The following ATRN variants were observed in gnomAD, a reference collection of about 807,000 sequenced individuals.
ATRN encodes the protein attractin-2.
A neutral mutation model predicts 178.7 loss-of-function variants in ATRN; 54 were observed. The observed-to-expected ratio is 0.30, with a 90% CI of 0.24 to 0.38. The LOEUF (loss-of-function observed/expected upper bound fraction) is 0.38, where lower values mean the gene tolerates loss of function less well. ATRN is among the 10% of genes least tolerant of loss of function. The probability of loss-of-function intolerance (pLI) is 1.00; values close to 1 mark genes in which losing one functional copy is unlikely to be tolerated. For missense variants in ATRN, 1,443 were observed against 1,815.1 expected (o/e 0.79, Z 3.73); for synonymous variants, 636 against 663.0 (o/e 0.96, Z 0.63).
At chr20:3,621,662 A>C (rs2086898029) in intron 24 of ATRN, among the ~76,000 whole-genome samples, 1 of 152,194 alleles carries the variant, frequency 6.6e-6, no homozygotes, top group Non-Finnish European at 1.5e-5. Context: ...GGAAATTTTC[A>C]TTACCTTCAG....
chr20:3,491,144 T>TG (rs199987063), intron 1 of ATRN: 6 of 534,298 alleles, frequency 1.1e-5, no homozygotes, highest in Admixed American at 3.4e-5. Context: ...ATTAGCTCTC[T>TG]GGGGGAAAAA....
chr20:3,578,345 A>C (rs1171320973), intron 14 of ATRN, among the ~76,000 whole-genome samples: 1 of 152,212 alleles, frequency 6.6e-6, no homozygotes, highest in Non-Finnish European at 1.5e-5. Flanking sequence ...AAGACATAGG[A>C]TAAGTGACCT....
chr20:3,570,453 A>G (rs1426684261), intron 11 of ATRN, among the ~76,000 whole-genome samples: 1 of 152,066 alleles, frequency 6.6e-6, no homozygotes, highest in East Asian at 1.9e-4. Flanking sequence ...CCCTTTGTTT[A>G]CCAATCTTCA....
At chr20:3,475,031 C>CAAA (rs1189030441) in intron 1 of ATRN, among the ~76,000 whole-genome samples, 27 of 55,746 alleles carry the variant, frequency 4.8e-4, no homozygotes, top group Non-Finnish European at 8.0e-4. Flanking sequence ...GACTCCATCT[C>CAAA]AAAAAAAAAA....
chr20:3,634,211 C>A, intron 25 of ATRN, 100 bp from the exon 26 acceptor site: 1 of 989,834 alleles, frequency 1.0e-6, no homozygotes, highest in Non-Finnish European at 1.6e-6. Context: ...CCGGAGGTGG[C>A]ATGTGGGAGC....
At position 3,476,036 on chromosome 20, in the gene ATRN, A is replaced by G. The variant is rs999933726; in HGVS notation, c.410+4519A>G. 1.3e-4 allele frequency among the ~76,000 whole-genome samples: 20 copies of G among 152,152 alleles called. 1 individual carries two copies. Among genetic ancestry groups the G allele is most frequent in the African/African-American group, 4.6e-4 (19 of 41,436 alleles). On this transcript the variant is annotated intron_variant, in intron 1 of 28. Transcript: ENST00000262919. Reference sequence around the variant, plus strand: ...GGCATGTGCCTGTGGTCCCAGCTACATGGGAGGCTGATGCAGGAGGATGGC... The same window carrying G: ...GGCATGTGCCTGTGGTCCCAGCTACGTGGGAGGCTGATGCAGGAGGATGGC...
At chr20:3,617,362 G>A (rs1372116336) in intron 24 of ATRN, among the ~76,000 whole-genome samples, 2 of 152,174 alleles carry the variant, frequency 1.3e-5, no homozygotes, top group Admixed American at 6.5e-5. Context: ...GGAAATGATT[G>A]GGTCTGGGGA....
In ATRN at chr20:3,646,875, C is replaced by A; in HGVS notation, c.*28C>A. 6.2e-7 allele frequency: 1 copy of A among 1,611,578 alleles called. No individual in the cohort carries two copies. Among genetic ancestry groups the A allele is most frequent in the Non-Finnish European group, 8.5e-7 (1 of 1,178,962 alleles). On this transcript the variant is annotated 3_prime_UTR_variant, in exon 29 of 29. Transcript: ENST00000262919. ...CTGGGGCCAGGGACTCTCCCACGCACGAGCTAGTGAGTGGCACACCAGAGC... is the reference window on the plus strand; with the variant it reads ...CTGGGGCCAGGGACTCTCCCACGCAAGAGCTAGTGAGTGGCACACCAGAGC...
chr20:3,605,035 T>A (rs2146292015), intron 24 of ATRN, among the ~76,000 whole-genome samples: 1 of 152,316 alleles, frequency 6.6e-6, no homozygotes, highest in Non-Finnish European at 1.5e-5. Flanking sequence ...AGGTGGGCTT[T>A]CAAGGACTGG....
At position 3,583,818 on chromosome 20, in the gene ATRN, AG is replaced by A. The variant is rs2086313658; in HGVS notation, c.2765-79del. ...TGAGACTCCGTCTCAAAAAAAAAAA[AG>A]AAAAGAAAGAAAGAAAAGTCTTTGA... On this transcript the variant is annotated intron_variant, in intron 16 of 28. Transcript: ENST00000262919. The A allele has an allele frequency of 6.5e-6, 9 of 1,388,526 alleles. No homozygotes were observed. In the South Asian group the frequency reaches 1.1e-4, roughly 17 times the overall value. 86.0% of individuals were successfully genotyped at this position (1,388,526 alleles called of 1,614,324 possible).
chr20:3,522,877 A>C (rs1357410366), intron 1 of ATRN, among the ~76,000 whole-genome samples: 1 of 152,136 alleles, frequency 6.6e-6, no homozygotes, highest in Non-Finnish European at 1.5e-5. Context: ...CCATCAACAA[A>C]AAGGACGTCC....
intron 6 of ATRN, among the ~76,000 whole-genome samples, chr20:3,559,148 T>A (rs2085918271): frequency 6.6e-6 from 1 of 152,178 alleles, no homozygotes; most frequent in Non-Finnish European, 1.5e-5. Flanking sequence ...TCAGGAAGTG[T>A]TAGAACCTTC....
intron 24 of ATRN, among the ~76,000 whole-genome samples, chr20:3,616,510 G>C (rs1049055707): frequency 6.6e-6 from 1 of 151,836 alleles, no homozygotes; most frequent in Admixed American, 6.6e-5. Flanking sequence ...GGGGGTGTTC[G>C]TGGTGGGGAA....
intron 1 of ATRN, among the ~76,000 whole-genome samples, chr20:3,472,410 T>C (rs1372911944): frequency 6.6e-6 from 1 of 152,136 alleles, no homozygotes; most frequent in African/African-American, 2.4e-5. Flanking sequence ...TTGACAGGTA[T>C]TTAGCTTACT....
chr20:3,612,419 A>G (rs1222840520), intron 24 of ATRN, among the ~76,000 whole-genome samples: 1 of 152,188 alleles, frequency 6.6e-6, no homozygotes, highest in Non-Finnish European at 1.5e-5. Flanking sequence ...GTTTTAAAGG[A>G]GCTTATCTGA....
chr20:3,523,419 A>C (rs569517430), intron 1 of ATRN, among the ~76,000 whole-genome samples: 4 of 152,182 alleles, frequency 2.6e-5, no homozygotes, highest in South Asian at 2.1e-4. Context: ...GGACTATGTG[A>C]AAAGACCAAA....
At chr20:3,569,452 T>C (rs778606524) in intron 11 of ATRN, among the ~76,000 whole-genome samples, 1 of 152,140 alleles carries the variant, frequency 6.6e-6, no homozygotes, top group Non-Finnish European at 1.5e-5. Flanking sequence ...GATAAAAAAA[T>C]GTACACCTGT....
intron 24 of ATRN, among the ~76,000 whole-genome samples, chr20:3,621,942 T>C (rs932408910): frequency 6.6e-6 from 1 of 152,152 alleles, no homozygotes; most frequent in Non-Finnish European, 1.5e-5. Flanking sequence ...ATTCAGCAAA[T>C]GTTTATTAAG....
intron 6 of ATRN, among the ~76,000 whole-genome samples, chr20:3,558,720 A>G (rs1046032815): frequency 2.0e-5 from 3 of 151,996 alleles, no homozygotes; most frequent in African/African-American, 7.2e-5. Context: ...TACATTCTTT[A>G]TAATGAACAT....
Sources: allele counts gnomAD v4.1 joint callset (sites outside exome capture counted in the v4.1 genomes callset), GRCh38; gene constraint gnomAD v4.1.1; transcripts MANE v1.5; gene names NCBI Gene and HGNC (gene_info 2026-07-23, HGNC 2026-07-21).